Variants in CEP57L1 observed in about 807,000 individuals in gnomAD.
The protein encoded by CEP57L1 is centrosomal protein 57 like 1.
A neutral mutation model predicts 61.0 loss-of-function variants in CEP57L1; 37 were observed. That is an observed-to-expected ratio of 0.61 (90% CI 0.47 to 0.80). CEP57L1 has a LOEUF of 0.80. CEP57L1 is among the 30% of genes least tolerant of loss of function. The pLI, the probability that CEP57L1 is intolerant of heterozygous loss-of-function variation, is 0.00. For missense variants in CEP57L1, 422 were observed against 524.7 expected (o/e 0.80, Z 1.91); for synonymous variants, 137 against 162.3 (o/e 0.84, Z 1.19).
intron 1 of CEP57L1, among the ~76,000 whole-genome samples, chr6:109,101,789 T>G (rs1220285372): frequency 2.0e-5 from 3 of 151,412 alleles, no homozygotes; most frequent in Admixed American, 6.6e-5. Flanking sequence ...CCGGCTAATG[T>G]TTTGTATTTT....
At position 109,171,241 on chromosome 6, in the gene CEP57L1, G is replaced by T. The variant is rs1455221095; in HGVS notation, c.*8271G>T. Among the ~76,000 whole-genome samples, 3 of 137,104 alleles carry T rather than the reference G, an allele frequency of 2.2e-5. No homozygotes were observed. Among genetic ancestry groups the T allele is most frequent in the East Asian group, 2.0e-4 (1 of 4,952 alleles). 89.9% of individuals were successfully genotyped at this position (137,104 alleles called of 152,430 possible). ...TAAATAATGCCACAAAGTAGAGTTT[G>T]ATTTTTTTTTTTTTGAGACGGAGTT... is the stretch of plus-strand genomic sequence containing the variant. On this transcript the variant is annotated 3_prime_UTR_variant, in exon 11 of 11. Coordinates refer to ENST00000517392, the MANE Select transcript of CEP57L1 (RefSeq NM_001271852.3).
At chr6:109,124,270 T>C (rs1773298330) in intron 1 of CEP57L1, among the ~76,000 whole-genome samples, 1 of 152,184 alleles carries the variant, frequency 6.6e-6, no homozygotes, top group Non-Finnish European at 1.5e-5. Flanking sequence ...TCTAAACACC[T>C]GTACCTGGCA....
At chr6:109,145,868 AG>A (rs1311527685) in intron 2 of CEP57L1, among the ~76,000 whole-genome samples, 2 of 151,952 alleles carry the variant, frequency 1.3e-5, no homozygotes, top group Non-Finnish European at 2.9e-5. Context: ...AAATTGAATT[AG>A]GAAAACATTT....
intron 3 of CEP57L1, among the ~76,000 whole-genome samples, chr6:109,148,065 C>A (rs2114880625): frequency 6.6e-6 from 1 of 152,208 alleles, no homozygotes; most frequent in East Asian, 1.9e-4. Context: ...AATCTCTGAT[C>A]TATATGATAA....
intron 1 of CEP57L1, among the ~76,000 whole-genome samples, chr6:109,097,292 C>G (rs1781817985): frequency 6.6e-6 from 1 of 152,222 alleles, no homozygotes; most frequent in Admixed American, 6.5e-5. Flanking sequence ...CAATTATTCA[C>G]AATGACCCTC....
intron 1 of CEP57L1, 47 bp downstream of exon 1, chr6:109,095,622 C>T: frequency 1.0e-6 from 1 of 974,738 alleles, no homozygotes; most frequent in Non-Finnish European, 1.2e-6. Context: ...CAGGGTTTTT[C>T]CTTCCTCCAT....
At chr6:109,118,923 C>T (rs901720080) in intron 1 of CEP57L1, among the ~76,000 whole-genome samples, 9 of 152,050 alleles carry the variant, frequency 5.9e-5, no homozygotes, top group South Asian at 2.1e-4. Context: ...ATGAATGAGG[C>T]GTGCAGTTCA....
chr6:109,099,236 TATCACCAAAA>T (rs1307082206), intron 1 of CEP57L1, among the ~76,000 whole-genome samples: 1 of 152,176 alleles, frequency 6.6e-6, no homozygotes, highest in African/African-American at 2.4e-5. Flanking sequence ...GAGTTGTTGA[TATCACCAAAA>T]GTGATATTCT....
Position 109,165,185 on chromosome 6 carries a change from A to G in CEP57L1, c.*2215A>G, listed in dbSNP as rs1420416169. 6.6e-6 allele frequency among the ~76,000 whole-genome samples: 1 copy of G among 152,148 alleles called. No homozygotes were observed. Among genetic ancestry groups the G allele is most frequent in the Non-Finnish European group, 1.5e-5 (1 of 68,022 alleles). ...TAGAAAAAACCACAACTTCAGAGCT[A>G]GGAAACTTGGTTTCAAATTCTGGGA... On this transcript the variant is annotated 3_prime_UTR_variant, in exon 11 of 11. Coordinates refer to ENST00000517392, the MANE Select transcript of CEP57L1 (RefSeq NM_001271852.3).
At chr6:109,099,631 G>T (rs1163028573) in intron 1 of CEP57L1, among the ~76,000 whole-genome samples, 1 of 151,982 alleles carries the variant, frequency 6.6e-6, no homozygotes, top group Non-Finnish European at 1.5e-5. Context: ...CTTATTGCAA[G>T]CTCCGCCTCC....
Position 109,167,128 on chromosome 6 carries a change from CCTT to C in CEP57L1, c.*4161_*4163del, listed in dbSNP as rs1467131258. Among the ~76,000 whole-genome samples, 1 of 152,194 alleles carries C rather than the reference CCTT, an allele frequency of 6.6e-6. No homozygotes were observed. Among genetic ancestry groups the C allele is most frequent in the Non-Finnish European group, 1.5e-5 (1 of 68,038 alleles). On this transcript the variant is annotated 3_prime_UTR_variant, in exon 11 of 11. Transcript: ENST00000517392. The stretch of plus-strand genomic sequence containing the variant: ...ATTTACTTCTTGGTAATTAAATAGA[CCTT>C]CTCAATGCCTCAGCCTTTTTCTTCA...
chr6:109,098,236 C>T (rs1047437837), intron 1 of CEP57L1, among the ~76,000 whole-genome samples: 20 of 152,228 alleles, frequency 1.3e-4, no homozygotes, highest in African/African-American at 4.3e-4. Context: ...CAACCTCCAC[C>T]TCCCAAGTTT....
At chr6:109,155,723 T>G (rs1285345856) in intron 6 of CEP57L1, 68 bp from the exon 7 acceptor site, 1 of 772,630 alleles carries the variant, frequency 1.3e-6, no homozygotes, top group Non-Finnish European at 2.1e-6. Flanking sequence ...AACTTAGACC[T>G]GATATCTCAT....
chr6:109,163,047 T>C lies in CEP57L1; in HGVS notation c.*77T>C. Reference sequence around the variant, plus strand: ...TGTCTAAAGTGGTTTTAATTTAATATAACTTTGTGACATTTTGAATCATGT... The same window carrying C: ...TGTCTAAAGTGGTTTTAATTTAATACAACTTTGTGACATTTTGAATCATGT... On this transcript the variant is annotated 3_prime_UTR_variant, in exon 11 of 11. Coordinates refer to ENST00000517392, the MANE Select transcript of CEP57L1 (RefSeq NM_001271852.3). 1.1e-6 allele frequency: 1 copy of C among 885,658 alleles called. No homozygotes were observed. The highest frequency in any genetic ancestry group is 1.8e-6 in the Non-Finnish European group (1 of 569,144). The allele number at this position is 885,658 out of a possible 1,614,324, so 54.9% of individuals were successfully genotyped here. A position where few individuals can be genotyped will look rare whatever the true frequency, so the allele number is the denominator to read the frequency against.
intron 1 of CEP57L1, among the ~76,000 whole-genome samples, chr6:109,114,236 T>A (rs531346594): frequency 6.0e-4 from 91 of 152,220 alleles, no homozygotes; most frequent in Non-Finnish European, 1.1e-3. Context: ...TTCATCTTTT[T>A]GATAATAGCC....
chr6:109,127,657 G>T (rs1292515547), intron 1 of CEP57L1, among the ~76,000 whole-genome samples: 1 of 151,136 alleles, frequency 6.6e-6, no homozygotes, highest in East Asian at 1.9e-4. Flanking sequence ...AGTCTCCTCT[G>T]TCACCCAGGC....
chr6:109,123,162 G>A (rs1428594278), intron 1 of CEP57L1, among the ~76,000 whole-genome samples: 1 of 152,016 alleles, frequency 6.6e-6, no homozygotes, highest in Non-Finnish European at 1.5e-5. Context: ...AGTACTCATG[G>A]CTTCAGCTGC....
chr6:109,098,843 A>G (rs914203474), intron 1 of CEP57L1, among the ~76,000 whole-genome samples: 1 of 152,146 alleles, frequency 6.6e-6, no homozygotes, highest in African/African-American at 2.4e-5. Flanking sequence ...ATAGGGAAGC[A>G]AGGGTGGAAG....
At position 109,136,909 on chromosome 6, in the gene CEP57L1, C is replaced by T. The variant is rs117511032; in HGVS notation, c.-3-8310C>T. ...TAGCTGGGATTACAGATGTGCGCCA[C>T]TGCGCCCTACAATGTATTTTTAGTA... On this transcript the variant is annotated intron_variant, in intron 1 of 10. Coordinates refer to ENST00000517392, the MANE Select transcript of CEP57L1 (RefSeq NM_001271852.3). Among the ~76,000 whole-genome samples, 511 of 152,204 alleles carry T rather than the reference C, an allele frequency of 3.4e-3. 2 individuals carry two copies. The highest frequency in any genetic ancestry group is 5.8e-3 in the Non-Finnish European group (395 of 68,008).
Sources: allele counts gnomAD v4.1 joint callset (sites outside exome capture counted in the v4.1 genomes callset), GRCh38; gene constraint gnomAD v4.1.1; transcripts MANE v1.5; gene names NCBI Gene and HGNC (gene_info 2026-07-23, HGNC 2026-07-21).